MAP4: variants seen among roughly 807,000 people sequenced by gnomAD.
MAP4 encodes the protein microtubule-associated protein 4.
In MAP4, 76 loss-of-function variants were observed where a neutral mutation model predicts 170.2. The ratio of observed to expected loss-of-function variants is 0.45; its 90% CI spans 0.37 to 0.54. MAP4 has a LOEUF of 0.54. MAP4 is among the 20% of genes least tolerant of loss of function. The pLI is 0.00. For synonymous variants in MAP4, 909 were observed against 994.5 expected, an observed-to-expected ratio of 0.91 and a Z score of 1.62; for missense variants, 2,506 against 2,748.0, an observed-to-expected ratio of 0.91 and a Z score of 1.97.
At position 47,855,308 on chromosome 3, in the gene MAP4, G is replaced by T; in HGVS notation, c.6636C>A (p.Ala2212=). Residue 2212 remains alanine, a synonymous_variant, in exon 19 of 21, where the codon GCC becomes GCA. Coordinates refer to ENST00000683076, the MANE Select transcript of MAP4 (RefSeq NM_001385682.1). This position sits in a 1 kb window ranked among gnomAD's most constrained non-coding sequence, Gnocchi z 5.1. ...ESQKLNFKEK[A]QAKVGSLDNV... ...TATCGAGGGATCCCACCTTGGCCTGGGCCTTCTCCTTGAAGTTCAACTTCT... is the reference window on the plus strand; with the variant it reads ...TATCGAGGGATCCCACCTTGGCCTGTGCCTTCTCCTTGAAGTTCAACTTCT... 1 of 1,614,026 alleles carries T rather than the reference G, an allele frequency of 6.2e-7. No individual in the cohort carries two copies. Among genetic ancestry groups the T allele is most frequent in the Non-Finnish European group, 8.5e-7 (1 of 1,179,986 alleles).
chr3:47,941,516 G>A (rs1035796828), intron 3 of MAP4, among the ~76,000 whole-genome samples: 9 of 151,654 alleles, frequency 5.9e-5, no homozygotes, highest in Non-Finnish European at 1.0e-4. Context: ...GGTGGCTCAC[G>A]CCTGTAATCC....
intron 2 of MAP4, among the ~76,000 whole-genome samples, chr3:47,988,498 T>TA (rs2154334767): frequency 6.6e-6 from 1 of 152,194 alleles, no homozygotes; most frequent in South Asian, 2.1e-4. Context: ...TTAAGCCAAT[T>TA]AATTTATGAA....
intron 19 of MAP4, among the ~76,000 whole-genome samples, chr3:47,853,836 T>C (rs1194501750): frequency 6.6e-6 from 1 of 151,704 alleles, no homozygotes; most frequent in African/African-American, 2.4e-5. Context: ...ACACAGGTGC[T>C]GAGGCCTTGT....
At chr3:47,880,161 G>C (rs530110752) in intron 10 of MAP4, among the ~76,000 whole-genome samples, 1 of 151,670 alleles carries the variant, frequency 6.6e-6, no homozygotes. Flanking sequence ...GAGTGCAGTG[G>C]TGTGATCTCA....
intron 3 of MAP4, among the ~76,000 whole-genome samples, chr3:47,957,324 T>A (rs774799097): frequency 6.6e-6 from 1 of 152,142 alleles, no homozygotes; most frequent in Non-Finnish European, 1.5e-5. Flanking sequence ...TGTGCCACCA[T>A]GCCCGGCTAA....
intron 3 of MAP4, among the ~76,000 whole-genome samples, chr3:47,964,822 G>C (rs1374473952): frequency 3.3e-5 from 5 of 152,142 alleles, no homozygotes; most frequent in Non-Finnish European, 5.9e-5. Flanking sequence ...TGGTTAATTT[G>C]AAATTTTTTT....
intron 5 of MAP4, among the ~76,000 whole-genome samples, chr3:47,919,743 G>C (rs576037677): frequency 6.6e-6 from 1 of 152,148 alleles, no homozygotes; most frequent in South Asian, 2.1e-4. Flanking sequence ...AATATATAAA[G>C]GGTAATATAA....
At chr3:48,055,362 G>A (rs1178151733) in intron 1 of MAP4, among the ~76,000 whole-genome samples, 4 of 152,302 alleles carry the variant, frequency 2.6e-5, no homozygotes, top group South Asian at 4.1e-4. Context: ...TTGCAGGCCC[G>A]CGCCGCCACG....
chr3:47,972,329 C>T (rs2351469), intron 3 of MAP4, among the ~76,000 whole-genome samples: 152,340 of 152,360 alleles, frequency 1, 76,160 homozygotes, highest in Middle Eastern at 1. Flanking sequence ...TAAATTTTAT[C>T]TGATAATTCA....
At chr3:48,047,095 A>AAAT (rs1553739980) in intron 1 of MAP4, among the ~76,000 whole-genome samples, 2 of 142,762 alleles carry the variant, frequency 1.4e-5, no homozygotes, top group Admixed American at 7.1e-5. Context: ...CTCCGTCTCA[A>AAAT]AAATAAATAA....
chr3:48,068,609 C>A (rs2100139483), intron 1 of MAP4, among the ~76,000 whole-genome samples: 1 of 152,230 alleles, frequency 6.6e-6, no homozygotes, highest in South Asian at 2.1e-4. Context: ...ACGGTGAAAT[C>A]CCATCTCTAC....
At chr3:47,870,651 G>A (rs941514843) in intron 15 of MAP4, among the ~76,000 whole-genome samples, 162 bp downstream of exon 15, 1 of 152,180 alleles carries the variant, frequency 6.6e-6, no homozygotes, top group Non-Finnish European at 1.5e-5. Flanking sequence ...CCTCCCTGCT[G>A]CTGGGGCACA....
intron 1 of MAP4, among the ~76,000 whole-genome samples, chr3:48,062,162 C>A (rs1405623109): frequency 3.9e-5 from 6 of 152,218 alleles, no homozygotes; most frequent in African/African-American, 7.2e-5. Flanking sequence ...AAGAAAAATT[C>A]TTCTGCCTTG....
At chr3:47,964,934 C>T (rs1210398631) in intron 3 of MAP4, among the ~76,000 whole-genome samples, 1 of 152,132 alleles carries the variant, frequency 6.6e-6, no homozygotes, top group Non-Finnish European at 1.5e-5. Context: ...GTGCAATCAT[C>T]ACCACCATCC....
chr3:47,987,125 C>T (rs559643014), intron 2 of MAP4, among the ~76,000 whole-genome samples: 1 of 152,152 alleles, frequency 6.6e-6, no homozygotes, highest in African/African-American at 2.4e-5. Flanking sequence ...ATCTGCTTCT[C>T]CATGATTCTC....
At chr3:47,887,983 T>A (rs1380346319) in intron 10 of MAP4, among the ~76,000 whole-genome samples, 2 of 152,006 alleles carry the variant, frequency 1.3e-5, no homozygotes, top group Admixed American at 1.3e-4. Flanking sequence ...AACCTCTGCA[T>A]CTAGCTCAAG....
At position 47,940,475 on chromosome 3, in the gene MAP4, T is replaced by C. The variant is rs113603759; in HGVS notation, c.293-12125A>G. 9.1e-3 allele frequency among the ~76,000 whole-genome samples: 1,389 copies of C among 152,278 alleles called. 25 individuals are homozygous for C. Among genetic ancestry groups the C allele is most frequent in the African/African-American group, 0.031 (1,303 of 41,552 alleles). Reference sequence around the variant, plus strand: ...AATTCTAAACAAGAAGCAATTTACATAATGCAGTAGAAAAAATACTTACCA... The same window carrying C: ...AATTCTAAACAAGAAGCAATTTACACAATGCAGTAGAAAAAATACTTACCA... On this transcript the variant is annotated intron_variant, in intron 3 of 20. Coordinates refer to ENST00000683076, the MANE Select transcript of MAP4 (RefSeq NM_001385682.1).
rs542102573 is a variant in MAP4 at position 47,873,808 on chromosome 3, G to A, written c.5758-1708C>T. On this transcript the variant is annotated intron_variant, in intron 12 of 20. Transcript: ENST00000683076. Reference sequence around the variant, plus strand: ...ATAGTCTTATTATTTTGCCATGAGGGTAATAATGATAAAATAAGTTAGAAA... The same window carrying A: ...ATAGTCTTATTATTTTGCCATGAGGATAATAATGATAAAATAAGTTAGAAA... 1.5e-4 allele frequency among the ~76,000 whole-genome samples: 23 copies of A among 152,254 alleles called. No homozygotes were observed. The South Asian group carries it at 4.8e-3, about 32-fold the overall frequency.
At chr3:47,890,966 T>C (rs2100023591) in intron 10 of MAP4, 1 of 1,360,662 alleles carries the variant, frequency 7.3e-7, no homozygotes, top group Non-Finnish European at 9.7e-7. Flanking sequence ...AATCTGTCAC[T>C]TTGGTTCCTT....
Sources: allele counts gnomAD v4.1 joint callset (sites outside exome capture counted in the v4.1 genomes callset), GRCh38; gene constraint gnomAD v4.1.1; non-coding constraint Gnocchi (gnomAD v3.1); transcripts MANE v1.5; gene names NCBI Gene and HGNC (gene_info 2026-07-23, HGNC 2026-07-21).